CREBBP: variants seen among roughly 807,000 people sequenced by gnomAD.
The protein encoded by CREBBP is CREB binding lysine acetyltransferase, also known as CREB-binding protein.
Under a neutral mutation model 265.0 loss-of-function variants are expected in CREBBP, and 19 were observed. The observed-to-expected ratio is 0.07, with a 90% CI of 0.05 to 0.11. The LOEUF is 0.11. Among genes scored for constraint, CREBBP ranks in the 10% least tolerant of loss-of-function variants. The probability of loss-of-function intolerance (pLI) is 1.00; values close to 1 mark genes in which losing one functional copy is unlikely to be tolerated. For synonymous variants in CREBBP, 1,457 were observed against 1,223.7 expected (o/e 1.19, Z -3.98); for missense variants, 2,525 against 3,219.0 (o/e 0.78, Z 5.22).
intron 1 of CREBBP, among the ~76,000 whole-genome samples, chr16:3,874,653 C>G (rs7202140): frequency 0.16 from 23,758 of 152,120 alleles, 4,887 homozygotes; most frequent in African/African-American, 0.47. Context: ...AGAGTTCTAG[C>G]GTCAAACAGG....
At chr16:3,827,196 GA>G (rs373795320) in intron 2 of CREBBP, among the ~76,000 whole-genome samples, 4,416 of 137,830 alleles carry the variant, frequency 0.032, 166 homozygotes, top group African/African-American at 0.1. Flanking sequence ...AAAATGAAAA[GA>G]AAAAAAAAAA....
At chr16:3,828,941 T>A (rs780422462) in intron 2 of CREBBP, among the ~76,000 whole-genome samples, 1 of 152,226 alleles carries the variant, frequency 6.6e-6, no homozygotes, top group Non-Finnish European at 1.5e-5. Context: ...TGTCCTTTTC[T>A]GCTCTTCCTC....
At position 3,730,401 on chromosome 16, in the gene CREBBP, G is replaced by T. The variant is rs560081334; in HGVS notation, c.5173-527C>A. ...GCTGCCGTGAAGTGCCTCTGGGAAGGCCTGAGCTATCCGCAGTGCACCAGT... is the reference window on the plus strand; with the variant it reads ...GCTGCCGTGAAGTGCCTCTGGGAAGTCCTGAGCTATCCGCAGTGCACCAGT... On this transcript the variant is annotated intron_variant, in intron 30 of 30. Coordinates refer to ENST00000262367, the MANE Select transcript of CREBBP (RefSeq NM_004380.3). 5.5e-4 allele frequency: 96 copies of T among 174,934 alleles called. 1 individual carries two copies. The South Asian group carries it at 0.013, about 23-fold the overall frequency. 10.8% of individuals were successfully genotyped at this position (174,934 alleles called of 1,614,324 possible).
chr16:3,822,543 T>G (rs1197681044), intron 2 of CREBBP, among the ~76,000 whole-genome samples: 1 of 152,176 alleles, frequency 6.6e-6, no homozygotes, highest in Non-Finnish European at 1.5e-5. Context: ...GCTCGTGGGA[T>G]GAGCCCTGGG....
At chr16:3,745,928 G>C (rs1386288276) in intron 21 of CREBBP, among the ~76,000 whole-genome samples, 2 of 152,230 alleles carry the variant, frequency 1.3e-5, no homozygotes, top group African/African-American at 4.8e-5. Context: ...GTTTATTCAA[G>C]TAAACACTGG....
chr16:3,788,620 T>C (rs987026147), intron 5 of CREBBP, among the ~76,000 whole-genome samples: 1 of 152,166 alleles, frequency 6.6e-6, no homozygotes, highest in Non-Finnish European at 1.5e-5. Flanking sequence ...TAACTCGAGA[T>C]CAGTGATTAC....
intron 25 of CREBBP, chr16:3,739,355 C>G (rs1331652659): frequency 3.4e-6 from 2 of 595,244 alleles, no homozygotes; most frequent in African/African-American, 3.7e-5. Context: ...GCGGGTCCCA[C>G]ACAGACTCGC....
At chr16:3,837,705 C>G (rs1377879521) in intron 2 of CREBBP, among the ~76,000 whole-genome samples, 1 of 150,990 alleles carries the variant, frequency 6.6e-6, no homozygotes, top group Non-Finnish European at 1.5e-5. Flanking sequence ...GTTTGTACAC[C>G]TGTACAATGT....
intron 2 of CREBBP, among the ~76,000 whole-genome samples, chr16:3,831,439 A>G (rs56251145): frequency 7.6e-4 from 116 of 152,338 alleles, no homozygotes; most frequent in Non-Finnish European, 1.3e-3. Flanking sequence ...ATAGGGTTTA[A>G]GGAGAAATTT....
chr16:3,793,531 C>T lies in CREBBP; in HGVS notation c.1071G>A (p.Gln357=). The T allele has an allele frequency of 6.2e-7, 1 of 1,614,184 alleles. No individual in the cohort carries two copies. The highest frequency in any genetic ancestry group is 8.5e-7 in the Non-Finnish European group (1 of 1,180,034). The change falls in exon 4 of 31, where the codon CAG becomes CAA. Residue 357 remains glutamine (Q), a synonymous_variant. Transcript: ENST00000262367. The part of the protein sequence containing the change: ...DPEKRKLIQQ[Q]LVLLLHAHKC... ...TATGAGCATGAAGCAGTAGAACCAG[C>T]TGCTGCTGTATCAGTTTGCGTTTTT...
At position 3,859,232 on chromosome 16, in the gene CREBBP, G is replaced by A. The variant is rs543075119; in HGVS notation, c.86-8223C>T. Among the ~76,000 whole-genome samples the A allele has an allele frequency of 2.1e-4, 31 of 150,272 alleles. 2 individuals carry two copies. In the East Asian group the frequency reaches 4.9e-3, roughly 24 times the overall value. ...ATTTTTATTTTTTTTTGGCTCTGTC[G>A]CCTAGGCTAGAGTGCAGTGGCACGA... is the stretch of plus-strand genomic sequence containing the variant. On this transcript the variant is annotated intron_variant, in intron 1 of 30. Transcript: ENST00000262367.
chr16:3,862,764 C>T (rs1237884891), intron 1 of CREBBP, among the ~76,000 whole-genome samples: 1 of 152,122 alleles, frequency 6.6e-6, no homozygotes, highest in Non-Finnish European at 1.5e-5. Context: ...CTTGAAGCTC[C>T]CCACGGCAGA....
intron 23 of CREBBP, chr16:3,741,630 C>A (rs1054309416): frequency 8.0e-5 from 12 of 150,896 alleles, no homozygotes; most frequent in African/African-American, 2.7e-4. Flanking sequence ...AACGGAGAAA[C>A]CCCATCTCTA....
At chr16:3,751,023 A>T (rs73493524) in intron 20 of CREBBP, among the ~76,000 whole-genome samples, 307 of 152,012 alleles carry the variant, frequency 2.0e-3, no homozygotes, top group African/African-American at 7.1e-3. Flanking sequence ...AGAGTTCAAG[A>T]CCAGCCTGGG....
rs2052982420 is a variant in CREBBP at position 3,770,731 on chromosome 16, G to A, written c.2719C>T (p.Pro907Ser). The change falls in exon 14 of 31, where the codon CCC (proline) becomes TCC (serine). Residue 907 changes from proline (P) to serine (S), a missense_variant. Around this residue, in one of 19 missense-constraint regions of CREBBP, gnomAD observed 548 missense variants for 533.0 expected, o/e 1.03. Coordinates refer to ENST00000262367, the MANE Select transcript of CREBBP (RefSeq NM_004380.3). ...GTGCTCTGGGTTTGGGTAGCACTGG[G>A]CACTGAGCCAGGAGTCGGGGTGGGA... ...QTPTPTPGSVPSATQTQSTPT... is the reference protein window; with the variant it reads ...QTPTPTPGSVSSATQTQSTPT... 1 of 1,614,114 alleles carries A rather than the reference G, an allele frequency of 6.2e-7. No homozygotes were observed. Among genetic ancestry groups the A allele is most frequent in the Non-Finnish European group, 8.5e-7 (1 of 1,180,008 alleles).
Position 3,729,208 on chromosome 16 carries a change from G to T in CREBBP, c.5839C>A (p.Pro1947Thr). The change falls in exon 31 of 31, where the codon CCC becomes ACC. Residue 1947 changes from proline to threonine, a missense_variant. This residue lies in a region of CREBBP where 275 missense variants were observed against 276.5 expected (regional missense o/e 0.99). Coordinates refer to ENST00000262367, the MANE Select transcript of CREBBP (RefSeq NM_004380.3). The part of the protein sequence containing the change: ...KPTSQVPAPP[P>T]PAQPPPAAVE... ...GCTGCAGGAGGGGGCTGGGCCGGGGGTGGGGGGGCCGGCACCTGGCTGGTA... is the reference window on the plus strand; with the variant it reads ...GCTGCAGGAGGGGGCTGGGCCGGGGTTGGGGGGGCCGGCACCTGGCTGGTA... 1 of 1,529,574 alleles carries T rather than the reference G, an allele frequency of 6.5e-7. No homozygotes were observed. The highest frequency in any genetic ancestry group is 8.7e-7 in the Non-Finnish European group (1 of 1,143,580). The allele number at this position is 1,529,574 out of a possible 1,614,324, so 94.8% of individuals were successfully genotyped here.
At chr16:3,875,018 G>A (rs1449292524) in intron 1 of CREBBP, among the ~76,000 whole-genome samples, 1 of 152,172 alleles carries the variant, frequency 6.6e-6, no homozygotes, top group Non-Finnish European at 1.5e-5. Flanking sequence ...AAAAACACAA[G>A]TCAGCAATTA....
At chr16:3,764,574 T>C (rs551960434) in intron 16 of CREBBP, among the ~76,000 whole-genome samples, 1 of 152,042 alleles carries the variant, frequency 6.6e-6, no homozygotes, top group African/African-American at 2.4e-5. Flanking sequence ...CTGTGTCCAC[T>C]CATTTCTTAA....
intron 2 of CREBBP, among the ~76,000 whole-genome samples, chr16:3,816,940 AAG>A (rs2054047637): frequency 6.6e-6 from 1 of 152,184 alleles, no homozygotes; most frequent in African/African-American, 2.4e-5. Flanking sequence ...TCAAGGCACA[AAG>A]AGGGTCAGCA....
Sources: allele counts gnomAD v4.1 joint callset (sites outside exome capture counted in the v4.1 genomes callset), GRCh38; gene constraint gnomAD v4.1.1; regional missense constraint gnomAD v4.1.1; transcripts MANE v1.5; gene names NCBI Gene and HGNC (gene_info 2026-07-23, HGNC 2026-07-21).